The following CARNMT1 variants were observed in gnomAD, a reference collection of about 807,000 sequenced individuals.
CARNMT1 encodes the protein protein-L-histidine N-pros-methyltransferase CARNMT1.
In CARNMT1, 28 loss-of-function variants were observed where a neutral mutation model predicts 49.6. The observed-to-expected ratio is 0.56, with a 90% CI of 0.42 to 0.77. The LOEUF is 0.77. Ranked by LOEUF, CARNMT1 falls within the 30% of genes least tolerant of loss-of-function variation. CARNMT1 has a pLI of 0.00. For missense variants in CARNMT1, 421 were observed against 512.6 expected (o/e 0.82, Z 1.73); for synonymous variants, 178 against 175.0 (o/e 1.02, Z -0.13).
chr9:75,014,752 A>G (rs912308320), intron 3 of CARNMT1, among the ~76,000 whole-genome samples: 1 of 152,084 alleles, frequency 6.6e-6, no homozygotes, highest in Non-Finnish European at 1.5e-5. Flanking sequence ...GAGGCTGAGG[A>G]ACAAGAATCA....
Position 74,982,246 on chromosome 9 carries a change from AT to A in CARNMT1, c.*1520del, listed in dbSNP as rs1192256543. ...GTAACTTTTCCTATTAAAACATGAC[AT>A]TTATGCGACCAGCACATTACTGAGA... On this transcript the variant is annotated 3_prime_UTR_variant, in exon 8 of 8. Transcript: ENST00000376834. 1 of 152,198 alleles carries A rather than the reference AT, an allele frequency of 6.6e-6. No homozygotes were observed. Among genetic ancestry groups the A allele is most frequent in the Non-Finnish European group, 1.5e-5 (1 of 68,030 alleles). 9.4% of individuals were successfully genotyped at this position (152,198 alleles called of 1,614,324 possible). A position where few individuals can be genotyped will look rare whatever the true frequency, so the allele number is the denominator to read the frequency against.
chr9:75,009,604 T>C (rs1347333395), intron 3 of CARNMT1, among the ~76,000 whole-genome samples: 1 of 152,126 alleles, frequency 6.6e-6, no homozygotes, highest in Non-Finnish European at 1.5e-5. Flanking sequence ...GACAAATAAG[T>C]GATTAGTAGA....
Position 74,982,859 on chromosome 9 carries a change from T to C in CARNMT1, c.*908A>G, listed in dbSNP as rs1832723076. 1.3e-5 allele frequency: 2 copies of C among 152,170 alleles called. No homozygotes were observed. Among genetic ancestry groups the C allele is most frequent in the Non-Finnish European group, 2.9e-5 (2 of 68,014 alleles). 9.4% of individuals were successfully genotyped at this position (152,170 alleles called of 1,614,324 possible). On this transcript the variant is annotated 3_prime_UTR_variant, in exon 8 of 8. Transcript: ENST00000376834. ...TAATAAAGGCTTTTTATTTCTCACT[T>C]TGAATGTTGAGATCTCGTATATTTC...
chr9:74,996,757 TTAAG>T (rs1833199327), intron 5 of CARNMT1, among the ~76,000 whole-genome samples, 197 bp from the exon 6 acceptor site: 2 of 151,424 alleles, frequency 1.3e-5, no homozygotes, highest in Admixed American at 6.6e-5. Context: ...AATAATCTGA[TTAAG>T]TAATCAATTT....
chr9:75,020,371 G>A (rs551006099), intron 1 of CARNMT1, among the ~76,000 whole-genome samples: 10 of 147,810 alleles, frequency 6.8e-5, no homozygotes, highest in Admixed American at 4.2e-4. Flanking sequence ...AGGTTCAAGC[G>A]ACTCTCCTGC....
intron 1 of CARNMT1, among the ~76,000 whole-genome samples, chr9:75,021,464 AAT>A (rs937112140): frequency 1.6e-5 from 2 of 127,254 alleles, no homozygotes; most frequent in African/African-American, 2.7e-5. Flanking sequence ...ATATAGGATA[AAT>A]ATATATACTA....
intron 2 of CARNMT1, 82 bp from the exon 3 acceptor site, chr9:75,016,513 C>T: frequency 6.7e-6 from 9 of 1,345,144 alleles, no homozygotes; most frequent in Non-Finnish European, 9.3e-6. Flanking sequence ...TACTAAGGGG[C>T]TATATAGGTG....
intron 1 of CARNMT1, among the ~76,000 whole-genome samples, chr9:75,022,616 G>A (rs1822405574): frequency 6.6e-6 from 1 of 152,098 alleles, no homozygotes; most frequent in African/African-American, 2.4e-5. Context: ...GACATTAAAG[G>A]AACTAAAATG....
At chr9:74,991,788 A>G (rs1833024556) in intron 6 of CARNMT1, 1 of 152,138 alleles carries the variant, frequency 6.6e-6, no homozygotes, top group South Asian at 2.1e-4. Context: ...TGGCTCTCAC[A>G]TGTGTTTTTC....
At chr9:75,007,024 T>G (rs1271293232) in intron 3 of CARNMT1, among the ~76,000 whole-genome samples, 2 of 152,328 alleles carry the variant, frequency 1.3e-5, no homozygotes, top group East Asian at 3.9e-4. Context: ...TATAAACATT[T>G]CACATTCAGC....
intron 3 of CARNMT1, 59 bp downstream of exon 3, chr9:75,016,209 C>T (rs1436189660): frequency 1.6e-6 from 2 of 1,286,466 alleles, no homozygotes; most frequent in Non-Finnish European, 2.2e-6. Context: ...AACATTTTAT[C>T]AAGAAACTCA....
At chr9:75,018,968 TAAAAAAA>T (rs35324700) in intron 1 of CARNMT1, among the ~76,000 whole-genome samples, 3 of 74,602 alleles carry the variant, frequency 4.0e-5, no homozygotes, top group African/African-American at 1.4e-4. Flanking sequence ...CTCCATCTCA[TAAAAAAA>T]AAAAAAAAAA....
chr9:75,004,349 T>A (rs1833444490), intron 3 of CARNMT1, among the ~76,000 whole-genome samples: 2 of 152,242 alleles, frequency 1.3e-5, no homozygotes, highest in Admixed American at 1.3e-4. Flanking sequence ...TTTTTACATT[T>A]GCATTTCCCT....
At chr9:75,027,985 G>C (rs745874894) in intron 1 of CARNMT1, 27 bp downstream of exon 1, 2 of 1,546,896 alleles carry the variant, frequency 1.3e-6, no homozygotes, top group African/African-American at 2.9e-5. Context: ...CGACGGTCTG[G>C]GCCGGGGTCC....
chr9:74,988,262 G>GT (rs1832908157), intron 6 of CARNMT1, among the ~76,000 whole-genome samples: 1 of 151,744 alleles, frequency 6.6e-6, no homozygotes, highest in South Asian at 2.1e-4. Context: ...GCAAAGATAT[G>GT]TTTTTTTCTT....
intron 4 of CARNMT1, among the ~76,000 whole-genome samples, 186 bp downstream of exon 4, chr9:74,999,544 T>A (rs1326618507): frequency 6.6e-6 from 1 of 152,170 alleles, no homozygotes; most frequent in African/African-American, 2.4e-5. Context: ...AACACTCTAA[T>A]AACTAGGCAA....
chr9:74,985,105 T>C, intron 6 of CARNMT1, 95 bp from the exon 7 acceptor site: 1 of 908,120 alleles, frequency 1.1e-6, no homozygotes, highest in South Asian at 1.5e-5. Context: ...AGGTACTGGA[T>C]GAGACAAACA....
At chr9:75,027,577 C>A (rs1439567354) in intron 1 of CARNMT1, 1 of 547,448 alleles carries the variant, frequency 1.8e-6, no homozygotes, top group African/African-American at 2.1e-5. Context: ...CCTACAGCAT[C>A]CCACGCGTAG....
chr9:75,016,528 AG>A, intron 2 of CARNMT1, 97 bp from the exon 3 acceptor site: 5 of 1,158,982 alleles, frequency 4.3e-6, no homozygotes, highest in Non-Finnish European at 6.1e-6. Flanking sequence ...TAGGTGGTTT[AG>A]TGGATAAATC....
Sources: allele counts gnomAD v4.1 joint callset (sites outside exome capture counted in the v4.1 genomes callset), GRCh38; gene constraint gnomAD v4.1.1; transcripts MANE v1.5; gene names NCBI Gene and HGNC (gene_info 2026-07-23, HGNC 2026-07-21).